TNS1: variants seen among roughly 807,000 people sequenced by gnomAD.
TNS1 encodes the protein tensin 1.
In TNS1, 62 loss-of-function variants were observed where a neutral mutation model predicts 168.6. The ratio of observed to expected loss-of-function variants is 0.37; its 90% CI spans 0.30 to 0.45. The LOEUF (loss-of-function observed/expected upper bound fraction) is 0.45, where lower values mean the gene tolerates loss of function less well. TNS1 is among the 20% of genes least tolerant of loss of function. TNS1 has a pLI of 1.00. For missense variants in TNS1, 2,240 were observed against 2,339.4 expected, an observed-to-expected ratio of 0.96 and a Z score of 0.88; for synonymous variants, 934 against 933.2, an observed-to-expected ratio of 1.00 and a Z score of -0.02.
chr2:217,998,619 G>C (rs1392424821), intron 1 of TNS1, among the ~76,000 whole-genome samples: 1 of 152,140 alleles, frequency 6.6e-6, no homozygotes, highest in Non-Finnish European at 1.5e-5. Context: ...TTCCACCTCA[G>C]CCTCCAAGTA....
chr2:217,834,984 G>T, intron 21 of TNS1, 107 bp downstream of exon 21: 1 of 930,202 alleles, frequency 1.1e-6, no homozygotes, highest in African/African-American at 1.7e-5. Context: ...GCCCCACCTG[G>T]GGCACTGTCA....
At chr2:217,964,267 A>T (rs1356153131) in intron 3 of TNS1, among the ~76,000 whole-genome samples, 1 of 152,236 alleles carries the variant, frequency 6.6e-6, no homozygotes, top group Non-Finnish European at 1.5e-5. Context: ...TTTAATTCTT[A>T]CAATCATCTT....
At chr2:217,965,959 A>T (rs539227820) in intron 3 of TNS1, among the ~76,000 whole-genome samples, 33 of 150,862 alleles carry the variant, frequency 2.2e-4, no homozygotes, top group Non-Finnish European at 1.5e-5. Flanking sequence ...TGTTCCCTCT[A>T]GCGTGCTTCA....
intron 1 of TNS1, among the ~76,000 whole-genome samples, chr2:218,031,823 A>G (rs1019612176): frequency 6.6e-6 from 1 of 152,172 alleles, no homozygotes; most frequent in Non-Finnish European, 1.5e-5. Context: ...ACCAGGCCCC[A>G]GGAGAACGTC....
intron 6 of TNS1, chr2:217,903,479 G>C (rs376966003): frequency 1.6e-6 from 2 of 1,288,622 alleles, no homozygotes. Context: ...TCCTCTCCGG[G>C]GATCACAAAT....
chr2:217,921,913 A>G (rs1373491186), intron 3 of TNS1, among the ~76,000 whole-genome samples: 1 of 152,160 alleles, frequency 6.6e-6, no homozygotes, highest in Non-Finnish European at 1.5e-5. Context: ...TAAATTGCCT[A>G]AGGTCACACA....
intron 4 of TNS1, among the ~76,000 whole-genome samples, chr2:217,915,890 G>A (rs1397897754): frequency 6.6e-6 from 1 of 152,176 alleles, no homozygotes; most frequent in Non-Finnish European, 1.5e-5. Context: ...ATGGCCCCAC[G>A]TCATGGAAAA....
At chr2:217,856,932 G>A (rs1393884299) in intron 18 of TNS1, among the ~76,000 whole-genome samples, 1 of 152,158 alleles carries the variant, frequency 6.6e-6, no homozygotes, top group Non-Finnish European at 1.5e-5. Flanking sequence ...CCTCACCAGT[G>A]TCACCTACAA....
chr2:217,990,901 G>T (rs1263503681), intron 2 of TNS1, 41 bp downstream of exon 2: 4 of 574,604 alleles, frequency 7.0e-6, no homozygotes, highest in South Asian at 6.4e-5. Flanking sequence ...TCATTCCCCT[G>T]ATGGGTGCTC....
rs1343736249 is a variant in TNS1, at chr2:217,818,535, G to T, written c.3797C>A (p.Ala1266Asp). 3 of 1,614,124 alleles carry T rather than the reference G, an allele frequency of 1.9e-6. No individual in the cohort carries two copies. Among genetic ancestry groups the T allele is most frequent in the East Asian group, 4.5e-5 (2 of 44,894 alleles). The change falls in exon 24 of 33, where the codon GCT becomes GAT. Residue 1266 changes from alanine to aspartate, a missense_variant. By Grantham distance (126) the Ala-to-Asp change is moderately radical. Coordinates refer to ENST00000682258, the MANE Select transcript of TNS1 (RefSeq NM_001387777.1). ...QHFSSSPESQARAQFSVAGVH... is the reference protein window; with the variant it reads ...QHFSSSPESQDRAQFSVAGVH... The stretch of plus-strand genomic sequence containing the variant: ...GCCAGCCACACTGAACTGAGCTCGA[G>T]CCTGGCTTTCCGGAGAGGAGCTGAA...
chr2:217,815,228 G>A, intron 24 of TNS1: 1 of 528,410 alleles, frequency 1.9e-6, no homozygotes, highest in South Asian at 2.4e-5. Flanking sequence ...ACACACAGGG[G>A]AGAGCACCAT....
intron 3 of TNS1, among the ~76,000 whole-genome samples, chr2:217,945,580 C>T (rs908513438): frequency 6.6e-6 from 1 of 152,168 alleles, no homozygotes; most frequent in Non-Finnish European, 1.5e-5. Flanking sequence ...GTTCTGAGTC[C>T]CAAATTCCAG....
In TNS1 at chr2:217,811,961, C is replaced by G. The variant is rs1047096458; in HGVS notation, c.5032+407G>C. On this transcript the variant is annotated intron_variant, in intron 28 of 32. Coordinates refer to ENST00000682258, the MANE Select transcript of TNS1 (RefSeq NM_001387777.1). Reference sequence around the variant, plus strand: ...GCCTTCTCTTTCCTGAGGCTGCTCTCTCCTCTCCATCCAGACCAACCCCTC... The same window carrying G: ...GCCTTCTCTTTCCTGAGGCTGCTCTGTCCTCTCCATCCAGACCAACCCCTC... Among the ~76,000 whole-genome samples, 5 of 152,316 alleles carry G rather than the reference C, an allele frequency of 3.3e-5. No individual in the cohort carries two copies. The East Asian group carries it at 9.7e-4, about 29-fold the overall frequency.
At chr2:217,819,480 G>T (rs1252885768) in intron 23 of TNS1, among the ~76,000 whole-genome samples, 3 of 152,172 alleles carry the variant, frequency 2.0e-5, no homozygotes, top group Non-Finnish European at 4.4e-5. Context: ...TTCCTGCATT[G>T]GGAGGTTAGA....
At chr2:218,008,672 G>A (rs956254391) in intron 1 of TNS1, among the ~76,000 whole-genome samples, 5 of 152,214 alleles carry the variant, frequency 3.3e-5, no homozygotes, top group Admixed American at 6.5e-5. Flanking sequence ...TCCCCACTGC[G>A]GAACAGCAGA....
At chr2:217,864,184 G>A (rs867454487) in intron 18 of TNS1, among the ~76,000 whole-genome samples, 23 of 152,184 alleles carry the variant, frequency 1.5e-4, no homozygotes, top group African/African-American at 2.2e-4. Context: ...TCCACTCACC[G>A]CGCTTCTGCT....
intron 16 of TNS1, among the ~76,000 whole-genome samples, chr2:217,883,363 C>A (rs1465026836): frequency 6.6e-6 from 1 of 152,196 alleles, no homozygotes; most frequent in African/African-American, 2.4e-5. Context: ...CTCCTGGGCT[C>A]AAGTGATCCT....
chr2:217,831,322 C>A, intron 22 of TNS1, 133 bp downstream of exon 22: 3 of 703,838 alleles, frequency 4.3e-6, no homozygotes, highest in South Asian at 2.1e-5. Context: ...CAGAGAGCCC[C>A]AACCCAGGCC....
At chr2:217,932,271 G>A (rs1439532211) in intron 3 of TNS1, among the ~76,000 whole-genome samples, 1 of 152,180 alleles carries the variant, frequency 6.6e-6, no homozygotes, top group Non-Finnish European at 1.5e-5. Context: ...ACCTGGACTG[G>A]GAGTCAGGCA....
Sources: gnomAD v4.1 joint callset for allele counts (sites outside exome capture counted in the v4.1 genomes callset) on GRCh38, gnomAD v4.1.1 for gene constraint, MANE v1.5 for transcripts, NCBI Gene and HGNC (gene_info 2026-07-23, HGNC 2026-07-21) for gene names.